Variants in CHD6 observed in about 807,000 individuals in gnomAD.
The protein encoded by CHD6 is ATP-dependent chromatin remodeler CHD6.
Under a neutral mutation model 276.9 loss-of-function variants are expected in CHD6, and 50 were observed. That is an observed-to-expected ratio of 0.18 (90% CI 0.14 to 0.23). The LOEUF is 0.23. Among genes scored for constraint, CHD6 ranks in the 10% least tolerant of loss-of-function variants. CHD6 has a pLI of 1.00. For synonymous variants in CHD6, 1,173 were observed against 1,229.3 expected, an observed-to-expected ratio of 0.95 and a Z score of 0.96; for missense variants, 2,564 against 3,365.8, an observed-to-expected ratio of 0.76 and a Z score of 5.89.
chr20:41,581,562 C>G (rs2045539703), intron 1 of CHD6, among the ~76,000 whole-genome samples: 1 of 151,782 alleles, frequency 6.6e-6, no homozygotes. Flanking sequence ...ATAGTCCCAG[C>G]TACTCAGGAG....
intron 36 of CHD6, among the ~76,000 whole-genome samples, chr20:41,410,228 C>T (rs565465456): frequency 6.6e-5 from 10 of 152,176 alleles, no homozygotes; most frequent in East Asian, 5.8e-4. Flanking sequence ...GGGTTTAGGA[C>T]GGTGATTAGG....
In CHD6 at chr20:41,403,553, T is replaced by C. The variant is rs1285254733; in HGVS notation, c.*1040A>G. The C allele has an allele frequency of 2.8e-6, 3 of 1,063,518 alleles. No individual in the cohort carries two copies. The highest frequency in any genetic ancestry group is 3.4e-6 in the Non-Finnish European group (3 of 878,204). 65.9% of individuals were successfully genotyped at this position (1,063,518 alleles called of 1,614,324 possible). ...GAAGTAACTTTTCATAGCTGTATTA[T>C]AAAGGGTGGCACACATTTGACAGCC... On this transcript the variant is annotated 3_prime_UTR_variant, in exon 37 of 37. Coordinates refer to ENST00000373233, the MANE Select transcript of CHD6 (RefSeq NM_032221.5).
At chr20:41,506,554 C>T (rs981979289) in intron 5 of CHD6, among the ~76,000 whole-genome samples, 6 of 152,240 alleles carry the variant, frequency 3.9e-5, no homozygotes, top group Non-Finnish European at 8.8e-5. Flanking sequence ...CTGCAATCCT[C>T]ACCCTGAATT....
At position 41,452,702 on chromosome 20, in the gene CHD6, C is replaced by T; in HGVS notation, c.3323+38G>A. ...GGACTGAAAAACAGAGGGGAACAAA[C>T]AACAATAACAACAAAACTAAGCAGA... On this transcript the variant is annotated intron_variant, in intron 21 of 36. Transcript: ENST00000373233. This position sits in a 1 kb window ranked among gnomAD's most constrained non-coding sequence, Gnocchi z 4.2. The T allele has an allele frequency of 6.4e-7, 1 of 1,574,322 alleles. No individual in the cohort carries two copies. Among genetic ancestry groups the T allele is most frequent in the Non-Finnish European group, 8.7e-7 (1 of 1,150,540 alleles).
In CHD6 at chr20:41,488,452, C is replaced by A; in HGVS notation, c.1833G>T (p.Leu611=). The A allele has an allele frequency of 6.2e-7, 1 of 1,613,750 alleles. No homozygotes were observed. The highest frequency in any genetic ancestry group is 1.1e-5 in the South Asian group (1 of 91,052). ...HRLKNRNCKL[L]EGLKLMALEH... ...CCAGGGCCATAAGCTTTAGACCCTC[C>A]AGAAGTTTGCAGTTCCTATTCTTCA... is the stretch of plus-strand genomic sequence containing the variant. The change falls in exon 13 of 37, where the codon CTG becomes CTT. Residue 611 remains leucine, a synonymous_variant. Coordinates refer to ENST00000373233, the MANE Select transcript of CHD6 (RefSeq NM_032221.5).
At position 41,457,247 on chromosome 20, in the gene CHD6, A is replaced by G. The variant is rs1319943386; in HGVS notation, c.2829+17T>C. 1 of 1,607,796 alleles carries G rather than the reference A, an allele frequency of 6.2e-7. No homozygotes were observed. Among genetic ancestry groups the G allele is most frequent in the Non-Finnish European group, 8.5e-7 (1 of 1,174,766 alleles). ...CCAATGTTCCTTAAGACTCCAGAGCAGGCCCATCACACTCACCCCATTGGT... is the reference window on the plus strand; with the variant it reads ...CCAATGTTCCTTAAGACTCCAGAGCGGGCCCATCACACTCACCCCATTGGT... On this transcript the variant is annotated intron_variant, in intron 18 of 36. Transcript: ENST00000373233.
intron 2 of CHD6, among the ~76,000 whole-genome samples, chr20:41,550,334 C>T (rs2045125332): frequency 6.6e-6 from 1 of 152,216 alleles, no homozygotes; most frequent in Non-Finnish European, 1.5e-5. Context: ...GCTGACAACT[C>T]TTTGAGCTAG....
chr20:41,507,369 G>A (rs1055682556), intron 5 of CHD6, among the ~76,000 whole-genome samples: 4 of 148,692 alleles, frequency 2.7e-5, no homozygotes, highest in African/African-American at 1.0e-4. Context: ...GAAAATTAAG[G>A]AGTTTGAAGT....
rs537820001 is a variant in CHD6 at position 41,527,983 on chromosome 20, G to T, written c.554+5067C>A. Among the ~76,000 whole-genome samples, 204 of 152,266 alleles carry T rather than the reference G, an allele frequency of 1.3e-3. 1 individual carries two copies. Among genetic ancestry groups the T allele is most frequent in the African/African-American group, 4.5e-3 (189 of 41,556 alleles). On this transcript the variant is annotated intron_variant, in intron 3 of 36. Coordinates refer to ENST00000373233, the MANE Select transcript of CHD6 (RefSeq NM_032221.5). Reference sequence around the variant, plus strand: ...AGGAGCTGCACACAGGTCCTCCCCAGATTCCAGTGCCATACTGTTGGACTT... The same window carrying T: ...AGGAGCTGCACACAGGTCCTCCCCATATTCCAGTGCCATACTGTTGGACTT...
intron 2 of CHD6, chr20:41,547,852 A>G (rs2045073165): frequency 4.8e-6 from 2 of 415,744 alleles, no homozygotes; most frequent in South Asian, 2.0e-5. Context: ...TGTGTCTGCA[A>G]TGTTGATGGC....
Position 41,452,782 on chromosome 20 carries a change from C to G in CHD6, c.3281G>C (p.Arg1094Pro). ...RLNDKARRYL[R>P]AECFRVEKNL... ...CTTCTCTACCCGGAAGCACTCCGCT[C>G]GGAGGTAGCGCCTGGCTTTGTCATT... Residue 1094 changes from arginine (R) to proline (P), a missense_variant, in exon 21 of 37, where the codon CGA becomes CCA. Around this residue, in one of 7 missense-constraint regions of CHD6, gnomAD observed 515 missense variants for 739.5 expected, o/e 0.70. Coordinates refer to ENST00000373233, the MANE Select transcript of CHD6 (RefSeq NM_032221.5). This position sits in a 1 kb window ranked among gnomAD's most constrained non-coding sequence, Gnocchi z 4.2. The G allele has an allele frequency of 6.2e-7, 1 of 1,613,140 alleles. No individual in the cohort carries two copies. Among genetic ancestry groups the G allele is most frequent in the Non-Finnish European group, 8.5e-7 (1 of 1,179,886 alleles).
intron 1 of CHD6, among the ~76,000 whole-genome samples, chr20:41,590,063 A>T (rs1238039667): frequency 1.3e-5 from 2 of 152,172 alleles, no homozygotes; most frequent in African/African-American, 2.4e-5. Flanking sequence ...AATACCACAC[A>T]TCTACAACCA....
At chr20:41,585,013 A>C (rs2045578945) in intron 1 of CHD6, among the ~76,000 whole-genome samples, 1 of 152,236 alleles carries the variant, frequency 6.6e-6, no homozygotes, top group Non-Finnish European at 1.5e-5. Flanking sequence ...AGTTTTTTAT[A>C]AACCTCTAAG....
chr20:41,498,019 C>G, intron 7 of CHD6, 149 bp downstream of exon 7: 1 of 614,254 alleles, frequency 1.6e-6, no homozygotes, highest in Non-Finnish European at 2.9e-6. Flanking sequence ...TTGAGCGTTA[C>G]TGCCTAAGGT....
intron 31 of CHD6, among the ~76,000 whole-genome samples, chr20:41,418,357 G>C: frequency 6.6e-6 from 1 of 152,176 alleles, no homozygotes; most frequent in Non-Finnish European, 1.5e-5. Context: ...TTGTTAGAGA[G>C]TCTCTCGGAG....
intron 1 of CHD6, among the ~76,000 whole-genome samples, chr20:41,594,672 A>G (rs977453422): frequency 6.6e-6 from 1 of 152,206 alleles, no homozygotes; most frequent in African/African-American, 2.4e-5. Flanking sequence ...TGTAATGAAC[A>G]CTTGTTTCTC....
chr20:41,488,545 G>A lies in CHD6; in HGVS notation c.1740C>T (p.Ile580=). 6.2e-7 allele frequency: 1 copy of A among 1,613,874 alleles called. No individual in the cohort carries two copies. The highest frequency in any genetic ancestry group is 8.5e-7 in the Non-Finnish European group (1 of 1,179,854). Residue 580 remains isoleucine (I), a synonymous_variant, in exon 13 of 37, where the codon ATC becomes ATT. Transcript: ENST00000373233. The stretch of plus-strand genomic sequence containing the variant: ...TCTTCAACTCTGGGCAGTCTGCTAG[G>A]ATCATTTCAAATGTTGTGATGACGA... The part of the protein sequence containing the change: ...FHVVITTFEM[I]LADCPELKKI...
At chr20:41,504,404 T>C (rs1184937345) in intron 5 of CHD6, among the ~76,000 whole-genome samples, 1 of 55,110 alleles carries the variant, frequency 1.8e-5, no homozygotes, top group African/African-American at 7.0e-5. Context: ...CTCTATTTTC[T>C]TTTTTTTTTT....
intron 17 of CHD6, among the ~76,000 whole-genome samples, chr20:41,463,856 C>A (rs1026221773): frequency 6.6e-6 from 1 of 152,120 alleles, no homozygotes; most frequent in African/African-American, 2.4e-5. Flanking sequence ...ATTCTGAGAA[C>A]TGAACTGTGA....
Sources: gnomAD v4.1 joint callset for allele counts (sites outside exome capture counted in the v4.1 genomes callset) on GRCh38, gnomAD v4.1.1 for gene constraint, gnomAD v4.1.1 regional missense constraint, Gnocchi (gnomAD v3.1) non-coding constraint, MANE v1.5 for transcripts, NCBI Gene and HGNC (gene_info 2026-07-23, HGNC 2026-07-21) for gene names.